The following CCNY variants were observed in gnomAD, a reference collection of about 807,000 sequenced individuals.
The protein encoded by CCNY is cyclin-Y.
Under a neutral mutation model 42.8 loss-of-function variants are expected in CCNY, and 19 were observed. The ratio of observed to expected loss-of-function variants is 0.44; its 90% CI spans 0.31 to 0.65. The LOEUF is 0.65. Among genes scored for constraint, CCNY ranks in the 30% least tolerant of loss-of-function variants. The pLI, the probability that CCNY is intolerant of heterozygous loss-of-function variation, is 0.07. For synonymous variants in CCNY, 165 were observed against 162.7 expected (o/e 1.01, Z -0.11); for missense variants, 370 against 437.3 (o/e 0.85, Z 1.37).
intron 2 of CCNY, among the ~76,000 whole-genome samples, chr10:35,500,070 G>A (rs1840080140): frequency 2.0e-5 from 3 of 152,206 alleles, no homozygotes; most frequent in Admixed American, 6.5e-5. Flanking sequence ...CTGCCTCCAT[G>A]CTGTGCATAG....
intron 2 of CCNY, 21 bp downstream of exon 2, chr10:35,483,499 T>G: frequency 1.3e-6 from 2 of 1,506,098 alleles, no homozygotes; most frequent in African/African-American, 1.4e-5. Flanking sequence ...AATTTATGTT[T>G]CTTTTTGTAA....
At chr10:35,254,377 T>C (rs1280514192) in intron 3 of CCNY, among the ~76,000 whole-genome samples, 1 of 152,134 alleles carries the variant, frequency 6.6e-6, no homozygotes, top group Non-Finnish European at 1.5e-5. Flanking sequence ...GTGAAAAAAA[T>C]TATGCTGTAA....
chr10:35,257,229 TC>T (rs68076821), intron 3 of CCNY, among the ~76,000 whole-genome samples: 7 of 123,738 alleles, frequency 5.7e-5, no homozygotes, highest in African/African-American at 2.2e-4. Flanking sequence ...CCTCCCTCCC[TC>T]CCTTCCTTCC....
chr10:35,373,950 A>G (rs186484311), intron 1 of CCNY, among the ~76,000 whole-genome samples: 3 of 152,354 alleles, frequency 2.0e-5, no homozygotes, highest in Admixed American at 2.0e-4. Context: ...CCCCATACAA[A>G]TAACTTTTTT....
chr10:35,328,266 T>C (rs1480456483), intron 3 of CCNY, among the ~76,000 whole-genome samples: 1 of 152,108 alleles, frequency 6.6e-6, no homozygotes, highest in Non-Finnish European at 1.5e-5. Flanking sequence ...CCCAGTACCA[T>C]AGCAAGCAAA....
intron 7 of CCNY, 101 bp from the exon 8 acceptor site, chr10:35,552,918 A>G (rs906952091): frequency 1.7e-6 from 2 of 1,183,336 alleles, no homozygotes; most frequent in African/African-American, 1.5e-5. Context: ...ATAAATTCCC[A>G]TTTAAAGGTG....
intron 1 of CCNY, among the ~76,000 whole-genome samples, chr10:35,482,439 T>C (rs1839688942): frequency 6.6e-6 from 1 of 152,158 alleles, no homozygotes; most frequent in African/African-American, 2.4e-5. Flanking sequence ...ATGGAATCAG[T>C]TTTTTGTTTT....
intron 7 of CCNY, 138 bp from the exon 8 acceptor site, chr10:35,552,881 C>G: frequency 1.1e-6 from 1 of 870,614 alleles, no homozygotes; most frequent in Non-Finnish European, 1.8e-6. Context: ...AGTCATTTGG[C>G]CTTTTAAAAA....
intron 5 of CCNY, among the ~76,000 whole-genome samples, chr10:35,528,841 A>G (rs1310046633): frequency 6.6e-6 from 1 of 152,178 alleles, no homozygotes; most frequent in Non-Finnish European, 1.5e-5. Context: ...CAGAAATTGT[A>G]ATGTTTGTCA....
intron 1 of CCNY, among the ~76,000 whole-genome samples, chr10:35,460,178 G>T (rs558169028): frequency 3.9e-5 from 6 of 152,212 alleles, no homozygotes; most frequent in Admixed American, 3.3e-4. Context: ...CCGCTTGGCA[G>T]CTGTGTGAAC....
At chr10:35,414,776 T>C (rs1418595027) in intron 1 of CCNY, among the ~76,000 whole-genome samples, 1 of 152,218 alleles carries the variant, frequency 6.6e-6, no homozygotes, top group East Asian at 1.9e-4. Flanking sequence ...AGGTGAGATG[T>C]GAACTGGTCT....
At chr10:35,253,218 T>A (rs1035264999) in intron 3 of CCNY, among the ~76,000 whole-genome samples, 3 of 152,058 alleles carry the variant, frequency 2.0e-5, no homozygotes, top group African/African-American at 7.2e-5. Context: ...TTAAAAAAAC[T>A]TTGTAAATTT....
chr10:35,275,030 G>C (rs181395707), intron 3 of CCNY, among the ~76,000 whole-genome samples: 21 of 137,880 alleles, frequency 1.5e-4, no homozygotes, highest in African/African-American at 5.5e-4. Context: ...TGCGTTCTAG[G>C]TATTGTTTTT....
chr10:35,363,905 T>C (rs1211675220), intron 1 of CCNY, among the ~76,000 whole-genome samples: 2 of 152,154 alleles, frequency 1.3e-5, no homozygotes, highest in Non-Finnish European at 2.9e-5. Flanking sequence ...TGTATGGATA[T>C]TGGAGAAGAG....
At chr10:35,360,530 C>G (rs567552371) in intron 1 of CCNY, among the ~76,000 whole-genome samples, 2 of 152,044 alleles carry the variant, frequency 1.3e-5, no homozygotes, top group African/African-American at 2.4e-5. Flanking sequence ...AGTCCTTCTG[C>G]CTTGGCCTCC....
chr10:35,424,308 C>A (rs1425482455), intron 1 of CCNY, among the ~76,000 whole-genome samples: 1 of 152,328 alleles, frequency 6.6e-6, no homozygotes, highest in Non-Finnish European at 1.5e-5. Context: ...CTCACCGCAA[C>A]CTCCACCTCC....
At position 35,570,523 on chromosome 10, in the gene CCNY, A is replaced by T. The variant is rs1269251267; in HGVS notation, c.*1353A>T. 6.6e-6 allele frequency: 1 copy of T among 152,324 alleles called. No individual in the cohort carries two copies. The highest frequency in any genetic ancestry group is 1.5e-5 in the Non-Finnish European group (1 of 68,034). 9.4% of individuals were successfully genotyped at this position (152,324 alleles called of 1,614,324 possible). ...TTGATGATAGAATATCAAATAGTGA[A>T]TTTGATATGAAATCTAAGAGTGTGA... is the stretch of plus-strand genomic sequence containing the variant. On this transcript the variant is annotated 3_prime_UTR_variant, in exon 10 of 10. Coordinates refer to ENST00000374704, the MANE Select transcript of CCNY (RefSeq NM_145012.6).
intron 1 of CCNY, among the ~76,000 whole-genome samples, chr10:35,426,907 T>C (rs1838285265): frequency 1.3e-5 from 2 of 152,214 alleles, no homozygotes; most frequent in Admixed American, 1.3e-4. Context: ...GGTTCATTCA[T>C]TGTTATTAGA....
intron 7 of CCNY, among the ~76,000 whole-genome samples, chr10:35,545,443 T>G (rs1841092529): frequency 6.6e-6 from 1 of 152,216 alleles, no homozygotes; most frequent in African/African-American, 2.4e-5. Flanking sequence ...CTCTCTGACG[T>G]ATTACAATGT....
Sources: gnomAD v4.1 joint callset for allele counts (sites outside exome capture counted in the v4.1 genomes callset) on GRCh38, gnomAD v4.1.1 for gene constraint, MANE v1.5 for transcripts, NCBI Gene and HGNC (gene_info 2026-07-23, HGNC 2026-07-21) for gene names.